LRP1B: variants seen among roughly 807,000 people sequenced by gnomAD.
LRP1B encodes the protein LDL receptor related protein 1B.
In LRP1B, 217 loss-of-function variants were observed where a neutral mutation model predicts 556.6. That is an observed-to-expected ratio of 0.39 (90% confidence interval 0.35 to 0.44). LRP1B has a LOEUF of 0.44. Among genes scored for constraint, LRP1B ranks in the 20% least tolerant of loss-of-function variants. The probability of loss-of-function intolerance (pLI) is 1.00; values close to 1 mark genes in which losing one functional copy is unlikely to be tolerated. For missense variants in LRP1B, 5,053 were observed against 5,620.8 expected (o/e 0.90, Z 3.23); for synonymous variants, 2,047 against 1,865.8 (o/e 1.10, Z -2.50).
chr2:141,205,193 G>A (rs1682218199), intron 6 of LRP1B, among the ~76,000 whole-genome samples: 1 of 152,028 alleles, frequency 6.6e-6, no homozygotes, highest in Admixed American at 6.6e-5. Context: ...TATCTGGCTA[G>A]AATCACCTCC....
In LRP1B at chr2:140,536,661, C is replaced by A. The variant is rs776244285; in HGVS notation, c.7562G>T (p.Gly2521Val). 6.2e-7 allele frequency: 1 copy of A among 1,610,392 alleles called. No individual in the cohort carries two copies. The highest frequency in any genetic ancestry group is 2.2e-5 in the East Asian group (1 of 44,642). The change falls in exon 46 of 91, where the codon GGT becomes GTT. Residue 2521 changes from glycine to valine, a missense_variant. Around this residue, in one of 5 missense-constraint regions of LRP1B, gnomAD observed 3,619 missense variants for 3,931.9 expected, o/e 0.92. Coordinates refer to ENST00000389484, the MANE Select transcript of LRP1B (RefSeq NM_018557.3). Reference sequence around the variant, plus strand: ...GGTGAGCTGGTAGTCAATGCACTCACCATTTCCACATTCAAACTCCGAATA... The same window carrying A: ...GGTGAGCTGGTAGTCAATGCACTCAACATTTCCACATTCAAACTCCGAATA... ...NAYSEFECGN[G>V]ECIDYQLTCD...
At chr2:141,858,425 A>G (rs1289285329) in intron 1 of LRP1B, among the ~76,000 whole-genome samples, 3 of 152,196 alleles carry the variant, frequency 2.0e-5, no homozygotes, top group South Asian at 2.1e-4. Flanking sequence ...TGACACAGAA[A>G]ATTTAGACAA....
At chr2:140,985,798 T>C (rs948690741) in intron 17 of LRP1B, among the ~76,000 whole-genome samples, 3 of 151,986 alleles carry the variant, frequency 2.0e-5, no homozygotes, top group African/African-American at 7.2e-5. Context: ...GGAAATAATA[T>C]CATTAACATC....
At chr2:141,733,342 C>A (rs1334438544) in intron 2 of LRP1B, among the ~76,000 whole-genome samples, 1 of 152,048 alleles carries the variant, frequency 6.6e-6, no homozygotes, top group Non-Finnish European at 1.5e-5. Context: ...CAGAGAAATG[C>A]ACCAATCCTG....
intron 32 of LRP1B, among the ~76,000 whole-genome samples, chr2:140,794,415 A>C (rs544849113): frequency 6.6e-6 from 1 of 152,166 alleles, no homozygotes; most frequent in Non-Finnish European, 1.5e-5. Context: ...ATGAGAAAAA[A>C]ATAAATGAAA....
chr2:141,090,561 C>T (rs1272880509), intron 7 of LRP1B, among the ~76,000 whole-genome samples: 1 of 152,180 alleles, frequency 6.6e-6, no homozygotes, highest in African/African-American at 2.4e-5. Flanking sequence ...TTTCAACATT[C>T]TACATTTCTC....
chr2:141,221,942 A>T (rs1186030033), intron 6 of LRP1B, among the ~76,000 whole-genome samples: 2 of 152,150 alleles, frequency 1.3e-5, no homozygotes, highest in Admixed American at 6.5e-5. Flanking sequence ...TAAGAGGGAA[A>T]TTTATAGCAC....
At chr2:141,872,860 A>G (rs1698634576) in intron 1 of LRP1B, among the ~76,000 whole-genome samples, 1 of 152,042 alleles carries the variant, frequency 6.6e-6, no homozygotes, top group Non-Finnish European at 1.5e-5. Context: ...TAAAGAATGA[A>G]TGAGCAAAGT....
intron 7 of LRP1B, among the ~76,000 whole-genome samples, chr2:141,169,585 C>A (rs921507502): frequency 6.6e-6 from 1 of 151,400 alleles, no homozygotes; most frequent in Non-Finnish European, 1.5e-5. Flanking sequence ...AGGGCAATAG[C>A]GACAGAATTA....
chr2:140,581,403 A>C (rs1681756388), intron 43 of LRP1B, among the ~76,000 whole-genome samples: 1 of 152,038 alleles, frequency 6.6e-6, no homozygotes, highest in East Asian at 1.9e-4. Context: ...TTCTCAGCAC[A>C]TTTTGCTTGC....
chr2:141,997,913 G>A (rs1160814849), intron 1 of LRP1B, among the ~76,000 whole-genome samples: 1 of 152,066 alleles, frequency 6.6e-6, no homozygotes, highest in African/African-American at 2.4e-5. Flanking sequence ...ACTCAAGAGT[G>A]TAAACAGACA....
rs181428320 is a variant in LRP1B, at chr2:140,427,657, C to G, written c.10414+14847G>C. 2.5e-3 allele frequency among the ~76,000 whole-genome samples: 386 copies of G among 152,268 alleles called. 1 individual carries two copies. The highest frequency in any genetic ancestry group is 8.6e-3 in the African/African-American group (358 of 41,550). ...GATATCCAGGCATTCTTTTACACATCGGTCCATCCCTGGTCTCTGTTCCCA... is the reference window on the plus strand; with the variant it reads ...GATATCCAGGCATTCTTTTACACATGGGTCCATCCCTGGTCTCTGTTCCCA... On this transcript the variant is annotated intron_variant, in intron 66 of 90. Coordinates refer to ENST00000389484, the MANE Select transcript of LRP1B (RefSeq NM_018557.3).
At chr2:140,808,107 TA>T (rs1690788945) in intron 32 of LRP1B, among the ~76,000 whole-genome samples, 1 of 147,932 alleles carries the variant, frequency 6.8e-6, no homozygotes, top group South Asian at 2.2e-4. Flanking sequence ...TAAAATAAAA[TA>T]AAATAAAAAT....
chr2:141,151,095 T>A (rs1701912875), intron 7 of LRP1B, among the ~76,000 whole-genome samples: 1 of 152,132 alleles, frequency 6.6e-6, no homozygotes, highest in Non-Finnish European at 1.5e-5. Flanking sequence ...AATAGGCAGA[T>A]TTATGTTGCA....
chr2:140,529,008 A>G (rs921598921), intron 47 of LRP1B, among the ~76,000 whole-genome samples: 5 of 152,046 alleles, frequency 3.3e-5, no homozygotes, highest in African/African-American at 9.7e-5. Context: ...CCTCGGGCTA[A>G]GAGTCCTGAT....
chr2:141,789,710 G>T (rs1695547330), intron 2 of LRP1B, among the ~76,000 whole-genome samples: 1 of 152,040 alleles, frequency 6.6e-6, no homozygotes, highest in Non-Finnish European at 1.5e-5. Flanking sequence ...GAAGAAGAAA[G>T]AATGTAAGAA....
intron 1 of LRP1B, among the ~76,000 whole-genome samples, chr2:141,958,812 G>C (rs1361446542): frequency 1.3e-5 from 2 of 151,884 alleles, no homozygotes; most frequent in Admixed American, 1.3e-4. Flanking sequence ...TCAGACTGGT[G>C]TAAGGAAAAC....
intron 3 of LRP1B, among the ~76,000 whole-genome samples, chr2:141,415,870 A>G (rs1360039148): frequency 6.6e-6 from 1 of 152,248 alleles, no homozygotes; most frequent in African/African-American, 2.4e-5. Flanking sequence ...AACTATTAAC[A>G]TCTTAGAAAT....
At chr2:141,343,131 A>C (rs1363857695) in intron 3 of LRP1B, among the ~76,000 whole-genome samples, 2 of 152,182 alleles carry the variant, frequency 1.3e-5, no homozygotes, top group Non-Finnish European at 2.9e-5. Context: ...TTGAATTTCT[A>C]TTACTACATC....
Sources: allele counts gnomAD v4.1 joint callset (sites outside exome capture counted in the v4.1 genomes callset), GRCh38; gene constraint gnomAD v4.1.1; regional missense constraint gnomAD v4.1.1; transcripts MANE v1.5; gene names NCBI Gene and HGNC (gene_info 2026-07-23, HGNC 2026-07-21).